TMEM181: variants seen among roughly 807,000 people sequenced by gnomAD.
The protein encoded by TMEM181 is G protein-coupled receptor 178.
TMEM181 carries 39 observed loss-of-function variants against 71.9 expected under a neutral mutation model. The ratio of observed to expected loss-of-function variants is 0.54; its 90% CI spans 0.42 to 0.71. TMEM181 has a LOEUF of 0.71. Ranked by LOEUF, TMEM181 falls within the 30% of genes least tolerant of loss-of-function variation. TMEM181 has a pLI of 0.00. For synonymous variants in TMEM181, 245 were observed against 228.8 expected (o/e 1.07, Z -0.64); for missense variants, 595 against 583.0 (o/e 1.02, Z -0.21).
intron 6 of TMEM181, among the ~76,000 whole-genome samples, chr6:158,591,922 A>G (rs1784132919): frequency 6.6e-6 from 1 of 152,200 alleles, no homozygotes; most frequent in African/African-American, 2.4e-5. Context: ...AACTAGGTAC[A>G]TGCCATTCTG....
At chr6:158,540,513 G>T (rs1368217080) in intron 1 of TMEM181, among the ~76,000 whole-genome samples, 1 of 152,200 alleles carries the variant, frequency 6.6e-6, no homozygotes, top group Non-Finnish European at 1.5e-5. Context: ...GAGCGCGGTG[G>T]CTCGTGCCTG....
At chr6:158,581,077 C>T in intron 3 of TMEM181, 82 bp downstream of exon 3, 1 of 1,358,262 alleles carries the variant, frequency 7.4e-7, no homozygotes, top group Non-Finnish European at 1.0e-6. Context: ...CGCTTAGAGT[C>T]TTTAAGGTAG....
At chr6:158,594,005 G>T (rs903699758) in intron 6 of TMEM181, among the ~76,000 whole-genome samples, 3 of 151,554 alleles carry the variant, frequency 2.0e-5, no homozygotes, top group Non-Finnish European at 4.4e-5. Context: ...TCATTTCAGT[G>T]CCCTGAAAAT....
At chr6:158,612,228 G>T (rs1017221832) in intron 10 of TMEM181, among the ~76,000 whole-genome samples, 2 of 152,174 alleles carry the variant, frequency 1.3e-5, no homozygotes, top group East Asian at 3.8e-4. Flanking sequence ...TCCTTGAAAC[G>T]TAAGAAGTTA....
At chr6:158,574,653 C>G (rs1487599877) in intron 2 of TMEM181, among the ~76,000 whole-genome samples, 1 of 152,212 alleles carries the variant, frequency 6.6e-6, no homozygotes, top group Non-Finnish European at 1.5e-5. Context: ...TTCAGGATTT[C>G]TACATCCCCT....
upstream of TMEM181, among the ~76,000 whole-genome samples, chr6:158,557,538 GAC>G (rs1432916035): frequency 1.3e-5 from 1 of 74,304 alleles, no homozygotes; most frequent in Non-Finnish European, 2.6e-5. Context: ...ATTTATTTGA[GAC>G]AGAGTCTTGC....
chr6:158,582,704 A>AGAC (rs1160418192), intron 3 of TMEM181, among the ~76,000 whole-genome samples: 2 of 151,972 alleles, frequency 1.3e-5, no homozygotes, highest in Admixed American at 1.3e-4. Flanking sequence ...TCACCTCCAA[A>AGAC]GACGATGCAT....
Position 158,607,253 on chromosome 6 carries a change from G to A in TMEM181, c.583G>A (p.Ala195Thr). 6.2e-7 allele frequency: 1 copy of A among 1,614,150 alleles called. No homozygotes were observed. The highest frequency in any genetic ancestry group is 8.5e-7 in the Non-Finnish European group (1 of 1,180,010). ...CTGATTTGGTTTGCAGTGCCTGTTTGCGCATTCCCTCCGGAAATTTTCCAT... is the reference window on the plus strand; with the variant it reads ...CTGATTTGGTTTGCAGTGCCTGTTTACGCATTCCCTCCGGAAATTTTCCAT... ...VLTFIVTCLF[A>T]HSLRKFSMRD... Residue 195 changes from alanine (A) to threonine (T), a missense_variant, in exon 8 of 17, where the codon GCG (alanine) becomes ACG (threonine). Physicochemically the swap from Ala to Thr is moderately conservative, Grantham distance 58 (BLOSUM62 0). Coordinates refer to ENST00000684151, the MANE Select transcript of TMEM181 (RefSeq NM_001376852.1).
chr6:158,622,772 A>T (rs560883688), intron 10 of TMEM181, among the ~76,000 whole-genome samples: 40 of 152,356 alleles, frequency 2.6e-4, no homozygotes, highest in African/African-American at 9.1e-4. Context: ...CTATGATGAA[A>T]GATGAAAAAG....
At chr6:158,631,257 G>A in intron 15 of TMEM181, 66 bp from the exon 16 acceptor site, 2 of 1,542,834 alleles carry the variant, frequency 1.3e-6, no homozygotes, top group Non-Finnish European at 9.0e-7. Flanking sequence ...GTCCGGGACA[G>A]CATCCTGCCT....
At chr6:158,595,643 C>G (rs1166713063) in intron 6 of TMEM181, among the ~76,000 whole-genome samples, 1 of 152,312 alleles carries the variant, frequency 6.6e-6, no homozygotes, top group Non-Finnish European at 1.5e-5. Flanking sequence ...GGAGGACTTT[C>G]TGAAGCATAA....
chr6:158,632,114 C>T lies in TMEM181; in HGVS notation c.*226C>T, dbSNP rs905820874. On this transcript the variant is annotated 3_prime_UTR_variant, in exon 17 of 17. Coordinates refer to ENST00000684151, the MANE Select transcript of TMEM181 (RefSeq NM_001376852.1). ...AAGAGGCATTGATAACAAGTTTCAA[C>T]AGCCAAATCCTTTTTTACAGAGATT... 2.7e-5 allele frequency: 14 copies of T among 527,178 alleles called. No homozygotes were observed. Among genetic ancestry groups the T allele is most frequent in the Non-Finnish European group, 4.1e-5 (12 of 293,962 alleles). The allele number at this position is 527,178 out of a possible 1,614,324, so 32.7% of individuals were successfully genotyped here. A position where few individuals can be genotyped will look rare whatever the true frequency, so the allele number is the denominator to read the frequency against.
In TMEM181 at chr6:158,634,871, A is replaced by C. The variant is rs1413480477; in HGVS notation, c.*2983A>C. ...TTATAATGTGGTAAATTATTTCCTGAATCCTTTATCACAGGAAAAACACAG... is the reference window on the plus strand; with the variant it reads ...TTATAATGTGGTAAATTATTTCCTGCATCCTTTATCACAGGAAAAACACAG... On this transcript the variant is annotated 3_prime_UTR_variant, in exon 17 of 17. Coordinates refer to ENST00000684151, the MANE Select transcript of TMEM181 (RefSeq NM_001376852.1). 6.6e-6 allele frequency: 1 copy of C among 152,204 alleles called. No homozygotes were observed. The highest frequency in any genetic ancestry group is 1.5e-5 in the Non-Finnish European group (1 of 68,036). 9.4% of individuals were successfully genotyped at this position (152,204 alleles called of 1,614,324 possible). A position where few individuals can be genotyped will look rare whatever the true frequency, so the allele number is the denominator to read the frequency against.
intron 5 of TMEM181, among the ~76,000 whole-genome samples, chr6:158,585,813 T>C (rs1321943938): frequency 6.6e-6 from 1 of 152,132 alleles, no homozygotes; most frequent in Non-Finnish European, 1.5e-5. Context: ...CAGGCTGTGG[T>C]CACTGGGTTT....
chr6:158,603,780 T>C (rs1784797002), intron 6 of TMEM181, among the ~76,000 whole-genome samples: 1 of 152,162 alleles, frequency 6.6e-6, no homozygotes, highest in Admixed American at 6.5e-5. Context: ...CAGTTTTGAT[T>C]CGTTGTTTTT....
intron 13 of TMEM181, 84 bp downstream of exon 13, chr6:158,625,838 T>A: frequency 7.9e-7 from 1 of 1,268,724 alleles, no homozygotes; most frequent in South Asian, 1.3e-5. Context: ...TTTTGTGGAG[T>A]GGATTTCAGG....
At chr6:158,539,460 C>T (rs909195947) in intron 1 of TMEM181, among the ~76,000 whole-genome samples, 6 of 152,208 alleles carry the variant, frequency 3.9e-5, no homozygotes, top group Non-Finnish European at 8.8e-5. Flanking sequence ...TTGGCTCCTT[C>T]TCTTCTCACC....
At chr6:158,571,831 C>T (rs1187176174) in intron 1 of TMEM181, among the ~76,000 whole-genome samples, 2 of 152,218 alleles carry the variant, frequency 1.3e-5, no homozygotes, top group African/African-American at 4.8e-5. Flanking sequence ...GGCACATGCA[C>T]TCTCTCCAGA....
chr6:158,632,628 G>A lies in TMEM181; in HGVS notation c.*740G>A, dbSNP rs1345493303. On this transcript the variant is annotated 3_prime_UTR_variant, in exon 17 of 17. Coordinates refer to ENST00000684151, the MANE Select transcript of TMEM181 (RefSeq NM_001376852.1). Reference sequence around the variant, plus strand: ...TCTTACTGCCATGGTGCTTTTCAGGGGCCTGTGTGTACACACATGATTAAA... The same window carrying A: ...TCTTACTGCCATGGTGCTTTTCAGGAGCCTGTGTGTACACACATGATTAAA... 1 of 152,384 alleles carries A rather than the reference G, an allele frequency of 6.6e-6. No individual in the cohort carries two copies. The highest frequency in any genetic ancestry group is 6.5e-5 in the Admixed American group (1 of 15,288). The allele number at this position is 152,384 out of a possible 1,614,324, so 9.4% of individuals were successfully genotyped here.
Sources: gnomAD v4.1 joint callset for allele counts (sites outside exome capture counted in the v4.1 genomes callset) on GRCh38, gnomAD v4.1.1 for gene constraint, MANE v1.5 for transcripts, NCBI Gene and HGNC (gene_info 2026-07-23, HGNC 2026-07-21) for gene names.